DPYD: variants seen among roughly 807,000 people sequenced by gnomAD.
DPYD encodes dihydropyrimidine dehydrogenase.
In DPYD, 109 loss-of-function variants were observed where a neutral mutation model predicts 116.2. The observed-to-expected ratio is 0.94, with a 90% CI of 0.80 to 1.10. DPYD has a LOEUF of 1.10. Ranked by LOEUF, DPYD falls within the 50% of genes least tolerant of loss-of-function variation. DPYD has a pLI of 0.00. For missense variants in DPYD, 1,302 were observed against 1,254.5 expected, an observed-to-expected ratio of 1.04 and a Z score of -0.57; for synonymous variants, 440 against 432.0, an observed-to-expected ratio of 1.02 and a Z score of -0.23.
At chr1:97,588,029 ATGT>A (rs1404098636) in intron 10 of DPYD, among the ~76,000 whole-genome samples, 4 of 152,124 alleles carry the variant, frequency 2.6e-5, no homozygotes, top group African/African-American at 9.7e-5. Flanking sequence ...ATTCTTTTAA[ATGT>A]TGTGCTATTT....
chr1:97,592,249 T>A (rs1259089347), intron 10 of DPYD, among the ~76,000 whole-genome samples: 1 of 152,334 alleles, frequency 6.6e-6, no homozygotes, highest in Admixed American at 6.5e-5. Flanking sequence ...CTTTATAAGG[T>A]ATTATATTTC....
At chr1:97,446,413 A>G (rs1428412532) in intron 14 of DPYD, among the ~76,000 whole-genome samples, 1 of 152,194 alleles carries the variant, frequency 6.6e-6, no homozygotes, top group Non-Finnish European at 1.5e-5. Flanking sequence ...TTGTCAGTAA[A>G]GCACCTTCAG....
At position 97,267,085 on chromosome 1, in the gene DPYD, G is replaced by T. The variant is rs770216113; in HGVS notation, c.2300-32091C>A. Among the ~76,000 whole-genome samples the T allele has an allele frequency of 4.3e-4, 66 of 152,226 alleles. No homozygotes were observed. In the Middle Eastern group the frequency reaches 0.01, roughly 24 times the overall value. On this transcript the variant is annotated intron_variant, in intron 18 of 22. Coordinates refer to ENST00000370192, the MANE Select transcript of DPYD (RefSeq NM_000110.4). ...GGGTCAAATGGTATTTCTAGTTCTAGATCCTTGAGGAATTGCCACACTGTC... is the reference window on the plus strand; with the variant it reads ...GGGTCAAATGGTATTTCTAGTTCTATATCCTTGAGGAATTGCCACACTGTC...
Position 97,173,365 on chromosome 1 carries a change from T to TGTGTATATATGCAC in DPYD, c.2622+19703_2622+19704insGTGCATATATACAC, listed in dbSNP as rs1553228045. 1.1e-3 allele frequency among the ~76,000 whole-genome samples: 171 copies of TGTGTATATATGCAC among 149,316 alleles called. No homozygotes were observed. The South Asian group carries it at 0.02, about 18-fold the overall frequency. ...ATATGCACACATATATGTACATATA[T>TGTGTATATATGCAC]ACATATATGTGTGTATATACGTACA... On this transcript the variant is annotated intron_variant, in intron 20 of 22. Transcript: ENST00000370192.
chr1:97,263,861 TACC>T (rs1418463352), intron 18 of DPYD, among the ~76,000 whole-genome samples: 7 of 152,026 alleles, frequency 4.6e-5, no homozygotes, highest in African/African-American at 1.7e-4. Context: ...AAATAAACCC[TACC>T]ACCACAACAA....
intron 1 of DPYD, among the ~76,000 whole-genome samples, chr1:97,893,429 CATATATAT>C (rs59336649): frequency 2.6e-4 from 19 of 71,904 alleles, no homozygotes; most frequent in South Asian, 1.7e-3. Flanking sequence ...ATATCCATCG[CATATATAT>C]ATATATATAT....
In DPYD at chr1:97,366,686, G is replaced by A. The variant is rs1015590457; in HGVS notation, c.2058+6875C>T. On this transcript the variant is annotated intron_variant, in intron 16 of 22. Transcript: ENST00000370192. ...ACATACATAGCTCATAGAGGCTTAA[G>A]TCACAAGGAATGAGAAGAATCAAGA... Among the ~76,000 whole-genome samples the A allele has an allele frequency of 3.3e-5, 5 of 152,212 alleles. No individual in the cohort carries two copies. The East Asian group carries it at 9.7e-4, about 29-fold the overall frequency.
At chr1:97,406,004 A>G (rs1206293463) in intron 14 of DPYD, among the ~76,000 whole-genome samples, 1 of 152,070 alleles carries the variant, frequency 6.6e-6, no homozygotes, top group Non-Finnish European at 1.5e-5. Flanking sequence ...ATCTCACAAT[A>G]TCCTTGGTGT....
chr1:97,645,087 T>C (rs1006385057), intron 8 of DPYD, among the ~76,000 whole-genome samples: 3 of 152,180 alleles, frequency 2.0e-5, no homozygotes, highest in African/African-American at 4.8e-5. Context: ...ATTGCATGAA[T>C]ACGCTGTAAC....
intron 18 of DPYD, among the ~76,000 whole-genome samples, chr1:97,292,393 C>A (rs10465749): frequency 0.18 from 27,788 of 152,066 alleles, 3,245 homozygotes; most frequent in Non-Finnish European, 0.27. Context: ...GTGTTGGCAG[C>A]AAGGAGAAGC....
chr1:97,169,726 A>G (rs1418277663), intron 20 of DPYD, among the ~76,000 whole-genome samples: 1 of 152,086 alleles, frequency 6.6e-6, no homozygotes, highest in African/African-American at 2.4e-5. Context: ...CATTCTATAC[A>G]TATTTAGCAT....
chr1:97,679,200 T>C lies in DPYD; in HGVS notation c.763-18A>G. ...CAAATTATCTATAAGAAACAATATTTTGCATAAGAAAATTTGGCATATGAT... is the reference window on the plus strand; with the variant it reads ...CAAATTATCTATAAGAAACAATATTCTGCATAAGAAAATTTGGCATATGAT... On this transcript the variant is annotated intron_variant, in intron 7 of 22. Transcript: ENST00000370192. The C allele has an allele frequency of 1.4e-6, 2 of 1,410,122 alleles. No individual in the cohort carries two copies. Among genetic ancestry groups the C allele is most frequent in the South Asian group, 2.5e-5 (2 of 79,270 alleles). The allele number at this position is 1,410,122 out of a possible 1,614,324, so 87.4% of individuals were successfully genotyped here. A position where few individuals can be genotyped will look rare whatever the true frequency, so the allele number is the denominator to read the frequency against.
intron 5 of DPYD, among the ~76,000 whole-genome samples, chr1:97,719,476 T>C (rs1006680955): frequency 1.3e-5 from 2 of 151,998 alleles, no homozygotes; most frequent in Admixed American, 1.3e-4. Flanking sequence ...CAATCATTGT[T>C]TTATCAAACA....
At chr1:97,791,518 T>G (rs1163216329) in intron 3 of DPYD, among the ~76,000 whole-genome samples, 1 of 152,226 alleles carries the variant, frequency 6.6e-6, no homozygotes, top group Non-Finnish European at 1.5e-5. Flanking sequence ...TGTAAATTTT[T>G]TGAAGGAGTA....
At chr1:97,486,058 T>G (rs553215965) in intron 13 of DPYD, among the ~76,000 whole-genome samples, 1 of 152,294 alleles carries the variant, frequency 6.6e-6, no homozygotes, top group Admixed American at 6.5e-5. Flanking sequence ...GTTAAAGGAT[T>G]TTACTACTAA....
At chr1:97,659,126 ATCTC>A (rs1340629929) in intron 8 of DPYD, among the ~76,000 whole-genome samples, 6 of 152,136 alleles carry the variant, frequency 3.9e-5, no homozygotes, top group Admixed American at 6.6e-5. Context: ...CTCTCTGGGA[ATCTC>A]TCTATCACTA....
Position 97,193,080 on chromosome 1 carries a change from G to A in DPYD, c.2611C>T (p.Leu871Phe), listed in dbSNP as rs1557927252. 1.9e-6 allele frequency: 3 copies of A among 1,613,936 alleles called. No individual in the cohort carries two copies. In the South Asian group the frequency reaches 3.3e-5, roughly 18 times the overall value. ...KGKPVPRIAE[L>F]MDKKLPSFGP... The stretch of plus-strand genomic sequence containing the variant: ...ATTTAAGCACATACCTTGTCCATGA[G>A]TTCAGCTATACGTGGAACTGGTTTC... Residue 871 changes from leucine (L) to phenylalanine (F), a missense_variant, in exon 20 of 23, where the codon CTC (leucine) becomes TTC (phenylalanine). Coordinates refer to ENST00000370192, the MANE Select transcript of DPYD (RefSeq NM_000110.4).
chr1:97,258,701 T>C (rs1663675775), intron 18 of DPYD, among the ~76,000 whole-genome samples: 1 of 152,168 alleles, frequency 6.6e-6, no homozygotes, highest in Non-Finnish European at 1.5e-5. Flanking sequence ...CTGGACAGTT[T>C]CTTACAGAAG....
At chr1:97,579,151 T>C (rs17116962) in intron 10 of DPYD, among the ~76,000 whole-genome samples, 1,773 of 152,216 alleles carry the variant, frequency 0.012, 43 homozygotes, top group African/African-American at 0.04. Context: ...TCAGAATATA[T>C]GCCAGTCAAT....
Sources: gnomAD v4.1 joint callset for allele counts (sites outside exome capture counted in the v4.1 genomes callset) on GRCh38, gnomAD v4.1.1 for gene constraint, MANE v1.5 for transcripts, NCBI Gene and HGNC (gene_info 2026-07-23, HGNC 2026-07-21) for gene names.